PLXNA4: variants seen among roughly 807,000 people sequenced by gnomAD.
The protein encoded by PLXNA4 is plexin A4, also known as plexin-A4.
PLXNA4 carries 44 observed loss-of-function variants against 191.8 expected under a neutral mutation model. The observed-to-expected ratio is 0.23, with a 90% confidence interval of 0.18 to 0.29. The LOEUF is 0.29. PLXNA4 is among the 10% of genes least tolerant of loss of function. The pLI is 1.00. For missense variants in PLXNA4, 1,800 were observed against 2,488.8 expected (o/e 0.72, Z 5.89); for synonymous variants, 1,082 against 1,009.5 (o/e 1.07, Z -1.36).
chr7:132,174,835 G>A lies in PLXNA4; in HGVS notation c.3960C>T (p.Tyr1320=), dbSNP rs761139507. ...TTCCTGGGAACAGCACCCGCATGGT[G>A]TAAGTTCTATAGTCCAGGAACGGAA... ...AGIPFLDYRT[Y]TMRVLFPGIE... is the part of the protein sequence containing the mutation. The change falls in exon 21 of 32, where the codon TAC becomes TAT. Residue 1320 remains tyrosine, a synonymous_variant. Transcript: ENST00000321063. The A allele has an allele frequency of 3.1e-6, 5 of 1,614,232 alleles. No individual in the cohort carries two copies. In the Admixed American group the frequency reaches 5.0e-5, roughly 16 times the overall value.
At chr7:132,617,992 C>A (rs775714324) in intron 2 of PLXNA4, among the ~76,000 whole-genome samples, 69 of 152,170 alleles carry the variant, frequency 4.5e-4, no homozygotes, top group Non-Finnish European at 1.6e-4. Flanking sequence ...CACCTCCAGG[C>A]CCACTTTCCA....
At chr7:132,625,799 G>A (rs1000569036) in intron 2 of PLXNA4, among the ~76,000 whole-genome samples, 1 of 152,178 alleles carries the variant, frequency 6.6e-6, no homozygotes, top group African/African-American at 2.4e-5. Flanking sequence ...TCCACATATT[G>A]CTGCATACTT....
chr7:132,601,333 A>C (rs1180573315), intron 2 of PLXNA4, among the ~76,000 whole-genome samples: 2 of 152,164 alleles, frequency 1.3e-5, no homozygotes, highest in Non-Finnish European at 2.9e-5. Flanking sequence ...AGCCCGTGAG[A>C]GATTCCCCCC....
chr7:132,368,150 G>A (rs1303032942), intron 3 of PLXNA4, among the ~76,000 whole-genome samples: 2 of 152,142 alleles, frequency 1.3e-5, no homozygotes, highest in Admixed American at 1.3e-4. Flanking sequence ...GTTGATTGGG[G>A]CCAATGTCAA....
At chr7:132,538,953 G>T (rs953896211) in intron 1 of PLXNA4, among the ~76,000 whole-genome samples, 1 of 152,214 alleles carries the variant, frequency 6.6e-6, no homozygotes, top group African/African-American at 2.4e-5. Flanking sequence ...AAACACAGTA[G>T]AAATAATTAA....
intron 3 of PLXNA4, among the ~76,000 whole-genome samples, chr7:132,338,402 T>A (rs981686948): frequency 6.6e-6 from 1 of 152,214 alleles, no homozygotes; most frequent in Non-Finnish European, 1.5e-5. Flanking sequence ...CAATCTTGCT[T>A]TTATGAAAAA....
intron 10 of PLXNA4, among the ~76,000 whole-genome samples, chr7:132,209,797 G>A (rs900429611): frequency 6.6e-6 from 1 of 152,180 alleles, no homozygotes; most frequent in African/African-American, 2.4e-5. Context: ...GTGCCCAGGT[G>A]CAACTAGAAG....
chr7:132,569,706 G>A (rs893325309), intron 1 of PLXNA4, among the ~76,000 whole-genome samples: 6 of 152,290 alleles, frequency 3.9e-5, no homozygotes, highest in Admixed American at 6.5e-5. Flanking sequence ...TAAGCAAGGG[G>A]ACATATTGGA....
At chr7:132,501,105 T>A (rs113201601) in intron 2 of PLXNA4, among the ~76,000 whole-genome samples, 1,647 of 152,058 alleles carry the variant, frequency 0.011, 34 homozygotes, top group African/African-American at 0.037. Context: ...CGTGTGTGTG[T>A]GAGAGAGAGA....
chr7:132,185,454 T>C lies in PLXNA4; in HGVS notation c.3003A>G (p.Pro1001=), dbSNP rs1407422441. The change falls in exon 16 of 32, where the codon CCA becomes CCG. Residue 1001 remains proline (P), a synonymous_variant. Transcript: ENST00000321063. ...KQPCLFHRRS[P]SYIVCNTTSS... ...ATGTGGTGTTGCAGACAATGTAGGATGGAGATCGCCTGGAGGGCAGGAAGA... is the reference window on the plus strand; with the variant it reads ...ATGTGGTGTTGCAGACAATGTAGGACGGAGATCGCCTGGAGGGCAGGAAGA... 8 of 1,612,596 alleles carry C rather than the reference T, an allele frequency of 5.0e-6. No homozygotes were observed. The Admixed American group carries it at 1.2e-4, about 24-fold the overall frequency.
intron 4 of PLXNA4, among the ~76,000 whole-genome samples, chr7:132,256,109 G>A (rs895730872): frequency 2.0e-5 from 3 of 152,214 alleles, no homozygotes; most frequent in South Asian, 2.1e-4. Context: ...GGCACGGCAC[G>A]TCTGGAAGGC....
At chr7:132,645,668 G>A (rs1276967707) in intron 2 of PLXNA4, among the ~76,000 whole-genome samples, 1 of 152,194 alleles carries the variant, frequency 6.6e-6, no homozygotes, top group Non-Finnish European at 1.5e-5. Context: ...ATGTAGAGTT[G>A]TTGAATGCAT....
chr7:132,610,580 C>T (rs1211216327), intron 2 of PLXNA4, among the ~76,000 whole-genome samples: 1 of 152,230 alleles, frequency 6.6e-6, no homozygotes, highest in Non-Finnish European at 1.5e-5. Flanking sequence ...CTGCTGTCTG[C>T]AGCAACCTGC....
upstream of PLXNA4, among the ~76,000 whole-genome samples, chr7:132,579,165 T>C (rs1166032568): frequency 6.6e-6 from 1 of 152,132 alleles, no homozygotes; most frequent in Non-Finnish European, 1.5e-5. Context: ...CATGGGTCCA[T>C]CACGGCCCAT....
intron 3 of PLXNA4, among the ~76,000 whole-genome samples, chr7:132,326,102 G>C (rs767193530): frequency 6.6e-6 from 1 of 152,128 alleles, no homozygotes; most frequent in Admixed American, 6.6e-5. Flanking sequence ...TTCCCAGTGA[G>C]GGGGGGTCTC....
At chr7:132,207,731 T>C (rs1351660085) in intron 10 of PLXNA4, among the ~76,000 whole-genome samples, 3 of 152,256 alleles carry the variant, frequency 2.0e-5, no homozygotes, top group Non-Finnish European at 2.9e-5. Flanking sequence ...TGGATTTCTT[T>C]GTTAGATCCC....
At chr7:132,382,034 G>GA in intron 3 of PLXNA4, among the ~76,000 whole-genome samples, 1 of 152,118 alleles carries the variant, frequency 6.6e-6, no homozygotes, top group East Asian at 1.9e-4. Flanking sequence ...GGAAAACACA[G>GA]AAAAAGCCAC....
intron 1 of PLXNA4, among the ~76,000 whole-genome samples, chr7:132,558,399 A>G (rs1026034151): frequency 1.3e-5 from 2 of 152,266 alleles, no homozygotes; most frequent in African/African-American, 4.8e-5. Context: ...GAGCATCATC[A>G]AATTAAAACA....
intron 1 of PLXNA4, among the ~76,000 whole-genome samples, chr7:132,535,392 C>T (rs1172044183): frequency 1.3e-5 from 2 of 152,148 alleles, no homozygotes; most frequent in African/African-American, 2.4e-5. Flanking sequence ...TGGTGGGTTT[C>T]CATGGGAGAA....
Sources: allele counts gnomAD v4.1 joint callset (sites outside exome capture counted in the v4.1 genomes callset), GRCh38; gene constraint gnomAD v4.1.1; transcripts MANE v1.5; gene names NCBI Gene and HGNC (gene_info 2026-07-23, HGNC 2026-07-21).